The following VWA3B variants were observed in gnomAD, a reference collection of about 807,000 sequenced individuals.
VWA3B encodes the protein von Willebrand factor A domain-containing protein 3B.
Under a neutral mutation model 158.3 loss-of-function variants are expected in VWA3B, and 138 were observed. The observed-to-expected ratio is 0.87, with a 90% CI of 0.76 to 1.00. The LOEUF is 1.00. VWA3B is among the 50% of genes least tolerant of loss of function. The probability of loss-of-function intolerance (pLI) is 0.00; values close to 1 mark genes in which losing one functional copy is unlikely to be tolerated. For missense variants in VWA3B, 1,555 were observed against 1,565.1 expected (o/e 0.99, Z 0.11); for synonymous variants, 596 against 587.3 (o/e 1.01, Z -0.21).
At chr2:98,275,352 G>A (rs755408279) in intron 22 of VWA3B, among the ~76,000 whole-genome samples, 2 of 152,216 alleles carry the variant, frequency 1.3e-5, no homozygotes, top group African/African-American at 4.8e-5. Flanking sequence ...ACAGCCACAT[G>A]TCTGGAGTTT....
At chr2:98,132,432 C>T (rs1675946575) in intron 6 of VWA3B, among the ~76,000 whole-genome samples, 1 of 152,190 alleles carries the variant, frequency 6.6e-6, no homozygotes, top group Admixed American at 6.5e-5. Flanking sequence ...GTCTGGTGAC[C>T]CTCCAACTGG....
intron 14 of VWA3B, among the ~76,000 whole-genome samples, chr2:98,225,285 A>G (rs1354928854): frequency 6.6e-6 from 1 of 152,244 alleles, no homozygotes; most frequent in Non-Finnish European, 1.5e-5. Flanking sequence ...AGAAATTTGT[A>G]ATTGATTGTT....
chr2:98,311,936 G>A lies in VWA3B; in HGVS notation c.3639G>A (p.Lys1213=), dbSNP rs752789443. ...EKPRRKKRPA[K]QPLQQAAPSD... is the part of the protein sequence containing the mutation. ...CCAGGAGGAAAAAGAGGCCCGCCAA[G>A]CAGCCACTCCAGCAGGCGGCGCCCT... The change falls in exon 27 of 28, where the codon AAG becomes AAA. Residue 1213 remains lysine, a synonymous_variant. Transcript: ENST00000477737. The A allele has an allele frequency of 1.2e-6, 2 of 1,606,602 alleles. No homozygotes were observed. The highest frequency in any genetic ancestry group is 1.3e-5 in the African/African-American group (1 of 74,882).
At chr2:98,272,069 C>T (rs181316918) in intron 22 of VWA3B, among the ~76,000 whole-genome samples, 1 of 152,336 alleles carries the variant, frequency 6.6e-6, no homozygotes, top group Non-Finnish European at 1.5e-5. Context: ...CGGCAGACAC[C>T]GGTTGGTTCT....
intron 21 of VWA3B, among the ~76,000 whole-genome samples, chr2:98,261,502 T>G (rs986054755): frequency 1.3e-5 from 2 of 151,814 alleles, no homozygotes; most frequent in East Asian, 3.8e-4. Context: ...TAGTACTATT[T>G]ATTTCTTCAT....
At chr2:98,090,464 G>T (rs959337952) in intron 1 of VWA3B, among the ~76,000 whole-genome samples, 5 of 152,200 alleles carry the variant, frequency 3.3e-5, no homozygotes. Flanking sequence ...CAGCACAGTT[G>T]TTCCTTGAAT....
intron 19 of VWA3B, among the ~76,000 whole-genome samples, chr2:98,237,883 G>C (rs13431508): frequency 6.6e-6 from 1 of 152,074 alleles, no homozygotes; most frequent in Non-Finnish European, 1.5e-5. Flanking sequence ...AGTAGTGGGC[G>C]GGGGAGAGTA....
At chr2:98,270,628 T>G (rs923108081) in intron 21 of VWA3B, 54 bp from the exon 22 acceptor site, 8 of 1,549,024 alleles carry the variant, frequency 5.2e-6, no homozygotes, top group African/African-American at 1.4e-5. Flanking sequence ...TATAGTCATT[T>G]TCTTTGCTTT....
intron 5 of VWA3B, chr2:98,121,945 T>C (rs1675003409): frequency 6.5e-6 from 1 of 154,416 alleles, no homozygotes; most frequent in African/African-American, 2.4e-5. Flanking sequence ...TCTTTCCTAG[T>C]TACTCTTCTT....
At chr2:98,246,120 T>C (rs1021119297) in intron 19 of VWA3B, among the ~76,000 whole-genome samples, 16 of 152,104 alleles carry the variant, frequency 1.1e-4, no homozygotes, top group African/African-American at 3.6e-4. Context: ...TATATGTAGT[T>C]TTTAAAAAAT....
intron 9 of VWA3B, among the ~76,000 whole-genome samples, 158 bp from the exon 10 acceptor site, chr2:98,187,817 G>A (rs115912708): frequency 1.1e-3 from 174 of 152,146 alleles, no homozygotes; most frequent in Non-Finnish European, 2.2e-3. Context: ...CATAGGAAGC[G>A]GGCAGCGGAA....
chr2:98,093,526 A>T (rs2104813875), intron 2 of VWA3B, among the ~76,000 whole-genome samples: 1 of 152,290 alleles, frequency 6.6e-6, no homozygotes, highest in South Asian at 2.1e-4. Flanking sequence ...TTACTTTTTA[A>T]ATTGACAGAT....
chr2:98,138,520 T>C (rs1344772260), intron 7 of VWA3B, among the ~76,000 whole-genome samples: 1 of 152,220 alleles, frequency 6.6e-6, no homozygotes, highest in Non-Finnish European at 1.5e-5. Context: ...CTGCTGCGTA[T>C]GCCCCCTGAG....
At chr2:98,246,704 A>G (rs1367779383) in intron 19 of VWA3B, among the ~76,000 whole-genome samples, 1 of 152,040 alleles carries the variant, frequency 6.6e-6, no homozygotes, top group Non-Finnish European at 1.5e-5. Context: ...CCTAATACAA[A>G]AGCACTAAAA....
At chr2:98,241,991 A>T (rs1483970131) in intron 19 of VWA3B, among the ~76,000 whole-genome samples, 2 of 152,030 alleles carry the variant, frequency 1.3e-5, no homozygotes, top group Non-Finnish European at 2.9e-5. Flanking sequence ...AATATCTCCC[A>T]CCTCATGGGA....
chr2:98,134,349 G>A (rs1260240635), intron 7 of VWA3B, among the ~76,000 whole-genome samples: 2 of 152,192 alleles, frequency 1.3e-5, no homozygotes, highest in Non-Finnish European at 1.5e-5. Context: ...TGCAGCTTGA[G>A]GGAGTGGCCT....
chr2:98,237,981 T>A (rs1012507946), intron 19 of VWA3B, among the ~76,000 whole-genome samples: 3 of 152,182 alleles, frequency 2.0e-5, no homozygotes, highest in African/African-American at 7.2e-5. Flanking sequence ...TTCTGCTTTT[T>A]TGTGTATTTG....
At chr2:98,101,565 T>C (rs189527152) in intron 2 of VWA3B, among the ~76,000 whole-genome samples, 211 of 152,370 alleles carry the variant, frequency 1.4e-3, no homozygotes, top group African/African-American at 4.8e-3. Context: ...CCAGATTATT[T>C]ACCAATTCCT....
intron 2 of VWA3B, among the ~76,000 whole-genome samples, chr2:98,115,375 A>G (rs1369939530): frequency 6.6e-6 from 1 of 152,200 alleles, no homozygotes; most frequent in East Asian, 1.9e-4. Flanking sequence ...GCAAACCAAC[A>G]TGTCACATGT....
Sources: gnomAD v4.1 joint callset for allele counts (sites outside exome capture counted in the v4.1 genomes callset) on GRCh38, gnomAD v4.1.1 for gene constraint, MANE v1.5 for transcripts, NCBI Gene and HGNC (gene_info 2026-07-23, HGNC 2026-07-21) for gene names.